EPB41L4B: variants seen among roughly 807,000 people sequenced by gnomAD.
EPB41L4B encodes the protein erythrocyte membrane protein band 4.1 like 4B, also known as band 4.1-like protein 4B.
EPB41L4B carries 30 observed loss-of-function variants against 112.5 expected under a neutral mutation model. The ratio of observed to expected loss-of-function variants is 0.27; its 90% confidence interval spans 0.20 to 0.36. EPB41L4B has a LOEUF of 0.36. Ranked by LOEUF, EPB41L4B falls within the 10% of genes least tolerant of loss-of-function variation. The pLI is 1.00. For missense variants in EPB41L4B, 1,024 were observed against 1,133.3 expected, an observed-to-expected ratio of 0.90 and a Z score of 1.38; for synonymous variants, 408 against 439.7, an observed-to-expected ratio of 0.93 and a Z score of 0.90.
chr9:109,307,759 T>A (rs1390618452), intron 1 of EPB41L4B, among the ~76,000 whole-genome samples: 1 of 152,050 alleles, frequency 6.6e-6, no homozygotes, highest in East Asian at 1.9e-4. Flanking sequence ...ATCCATCACA[T>A]GGGCAGGAGA....
At chr9:109,273,248 T>C (rs1479974243) in intron 2 of EPB41L4B, among the ~76,000 whole-genome samples, 1 of 149,014 alleles carries the variant, frequency 6.7e-6, no homozygotes, top group Non-Finnish European at 1.5e-5. Flanking sequence ...TGGCATTTCT[T>C]TTTTTTTTTT....
chr9:109,236,479 T>C (rs1194923575), intron 15 of EPB41L4B, among the ~76,000 whole-genome samples: 4 of 151,052 alleles, frequency 2.6e-5, no homozygotes, highest in South Asian at 4.2e-4. Flanking sequence ...AAAATAACGA[T>C]GAACACAAGC....
At chr9:109,270,430 C>T (rs1835568189) in intron 2 of EPB41L4B, among the ~76,000 whole-genome samples, 1 of 152,162 alleles carries the variant, frequency 6.6e-6, no homozygotes, top group African/African-American at 2.4e-5. Context: ...GTTGTCACGT[C>T]CATATTCATT....
At chr9:109,179,410 G>T (rs1229659114) in intron 24 of EPB41L4B, among the ~76,000 whole-genome samples, 1 of 152,218 alleles carries the variant, frequency 6.6e-6, no homozygotes, top group Non-Finnish European at 1.5e-5. Flanking sequence ...GCAGGAAGGA[G>T]ATGAGAACAC....
Position 109,279,283 on chromosome 9 carries a change from T to C in EPB41L4B, c.411+534A>G, listed in dbSNP as rs79610921. 4.3e-4 allele frequency among the ~76,000 whole-genome samples: 66 copies of C among 152,058 alleles called. No individual in the cohort carries two copies. In the East Asian group the frequency reaches 0.012, roughly 28 times the overall value. ...AGGGAGGCTGAGGTGGCAGGATCGA[T>C]TGAGCTCACTGCAGCCTTGACCATC... is the stretch of plus-strand genomic sequence containing the variant. On this transcript the variant is annotated intron_variant, in intron 2 of 25. Coordinates refer to ENST00000374566, the MANE Select transcript of EPB41L4B (RefSeq NM_019114.5).
intron 1 of EPB41L4B, among the ~76,000 whole-genome samples, chr9:109,292,889 T>A (rs1836585595): frequency 6.6e-6 from 1 of 152,158 alleles, no homozygotes; most frequent in Non-Finnish European, 1.5e-5. Flanking sequence ...GTGAAACGTC[T>A]AACTACCCTG....
At chr9:109,311,988 T>G (rs78842470) in intron 1 of EPB41L4B, among the ~76,000 whole-genome samples, 13,147 of 152,180 alleles carry the variant, frequency 0.086, 992 homozygotes, top group East Asian at 0.4. Context: ...ATCAGGTGCT[T>G]TGCATATCAA....
At chr9:109,289,315 C>CG (rs1836435621) in intron 1 of EPB41L4B, among the ~76,000 whole-genome samples, 1 of 152,222 alleles carries the variant, frequency 6.6e-6, no homozygotes, top group Non-Finnish European at 1.5e-5. Context: ...AGGCTTGGCT[C>CG]GTGTCCTTCC....
intron 15 of EPB41L4B, among the ~76,000 whole-genome samples, chr9:109,243,391 A>AT (rs1368573617): frequency 3.1e-4 from 47 of 152,278 alleles, no homozygotes; most frequent in Non-Finnish European, 6.0e-4. Context: ...GATCAGAATG[A>AT]TTTTAAAAAA....
chr9:109,243,071 G>A (rs976119244), intron 15 of EPB41L4B, among the ~76,000 whole-genome samples: 1 of 151,820 alleles, frequency 6.6e-6, no homozygotes, highest in African/African-American at 2.4e-5. Flanking sequence ...CAATGGCAGA[G>A]TTAAGGAGTT....
chr9:109,297,930 G>C (rs1836799780), intron 1 of EPB41L4B, among the ~76,000 whole-genome samples: 2 of 152,238 alleles, frequency 1.3e-5, no homozygotes, highest in African/African-American at 4.8e-5. Context: ...TCTATGGTGA[G>C]CTTGGCTGTT....
At chr9:109,225,234 A>G (rs1833717507) in intron 15 of EPB41L4B, among the ~76,000 whole-genome samples, 1 of 152,246 alleles carries the variant, frequency 6.6e-6, no homozygotes, top group Non-Finnish European at 1.5e-5. Flanking sequence ...ATATCAGTGC[A>G]TTTGGTACAT....
Position 109,320,289 on chromosome 9 carries a change from G to A in EPB41L4B, c.158C>T (p.Ala53Val), listed in dbSNP as rs1405375145. 1.0e-5 allele frequency: 11 copies of A among 1,096,650 alleles called. No individual in the cohort carries two copies. The highest frequency in any genetic ancestry group is 1.1e-5 in the Non-Finnish European group (10 of 900,772). 67.9% of individuals were successfully genotyped at this position (1,096,650 alleles called of 1,614,324 possible). A position where few individuals can be genotyped will look rare whatever the true frequency, so the allele number is the denominator to read the frequency against. ...AAASSSALPA[A>V]PGGSVFPAGG... is the part of the protein sequence containing the mutation. ...CGCCGGGAACACGCTGCCCCCGGGC[G>A]CGGCGGGCAGCGCCGAGGAGGAGGC... is the stretch of plus-strand genomic sequence containing the variant. Residue 53 changes from alanine to valine, a missense_variant, in exon 1 of 26, where the codon GCG becomes GTG. Coordinates refer to ENST00000374566, the MANE Select transcript of EPB41L4B (RefSeq NM_019114.5).
At chr9:109,290,728 T>TATATATATATATATATATATATAC (rs1200899575) in intron 1 of EPB41L4B, among the ~76,000 whole-genome samples, 3 of 137,114 alleles carry the variant, frequency 2.2e-5, no homozygotes, top group Admixed American at 7.6e-5. Context: ...TATATATATA[T>TATATATATATATATATATATATAC]ACACACACAC....
At chr9:109,215,760 C>T (rs1326361940) in intron 16 of EPB41L4B, among the ~76,000 whole-genome samples, 2 of 152,072 alleles carry the variant, frequency 1.3e-5, no homozygotes, top group Non-Finnish European at 2.9e-5. Flanking sequence ...AATAAAATAA[C>T]GGACATGCCG....
At chr9:109,232,044 T>C (rs1311328282) in intron 15 of EPB41L4B, among the ~76,000 whole-genome samples, 3 of 151,886 alleles carry the variant, frequency 2.0e-5, no homozygotes, top group East Asian at 1.9e-4. Context: ...CAGGCTGGAG[T>C]GCAGTGGTGC....
intron 22 of EPB41L4B, among the ~76,000 whole-genome samples, chr9:109,190,654 C>T (rs1195094458): frequency 1.3e-5 from 2 of 152,250 alleles, no homozygotes; most frequent in Non-Finnish European, 2.9e-5. Flanking sequence ...GACACAGACA[C>T]ATCCTGGATT....
chr9:109,232,328 G>A (rs1044919331), intron 15 of EPB41L4B, among the ~76,000 whole-genome samples: 2 of 151,594 alleles, frequency 1.3e-5, no homozygotes, highest in East Asian at 1.9e-4. Context: ...TTTTTGGTGC[G>A]TCTCATTTCT....
intron 1 of EPB41L4B, among the ~76,000 whole-genome samples, chr9:109,288,413 T>G (rs1288205386): frequency 2.0e-5 from 3 of 151,882 alleles, no homozygotes; most frequent in Non-Finnish European, 2.9e-5. Flanking sequence ...GGAAACCCCA[T>G]CTATACAGAC....
Sources: gnomAD v4.1 joint callset for allele counts (sites outside exome capture counted in the v4.1 genomes callset) on GRCh38, gnomAD v4.1.1 for gene constraint, MANE v1.5 for transcripts, NCBI Gene and HGNC (gene_info 2026-07-23, HGNC 2026-07-21) for gene names.